ANK1: variants seen among roughly 807,000 people sequenced by gnomAD.
ANK1 encodes the protein ankyrin 1, also known as ankyrin-1.
Under a neutral mutation model 210.4 loss-of-function variants are expected in ANK1, and 51 were observed. The observed-to-expected ratio is 0.24, with a 90% confidence interval of 0.19 to 0.31. The LOEUF (loss-of-function observed/expected upper bound fraction) is 0.31, where lower values mean the gene tolerates loss of function less well. Ranked by LOEUF, ANK1 falls within the 10% of genes least tolerant of loss-of-function variation. The pLI is 1.00. For missense variants in ANK1, 2,051 were observed against 2,504.4 expected, an observed-to-expected ratio of 0.82 and a Z score of 3.86; for synonymous variants, 967 against 1,025.9, an observed-to-expected ratio of 0.94 and a Z score of 1.10.
At chr8:41,883,445 T>C (rs1817941596) in intron 1 of ANK1, among the ~76,000 whole-genome samples, 1 of 63,896 alleles carries the variant, frequency 1.6e-5, no homozygotes, top group Non-Finnish European at 3.2e-5. Context: ...ATCTCATGTT[T>C]GTTTGTTTGT....
chr8:41,704,617 G>A lies in ANK1; in HGVS notation c.2098-145C>T. 1 of 758,530 alleles carries A rather than the reference G, an allele frequency of 1.3e-6. No homozygotes were observed. Among genetic ancestry groups the A allele is most frequent in the South Asian group, 1.5e-5 (1 of 68,158 alleles). 47.0% of individuals were successfully genotyped at this position (758,530 alleles called of 1,614,324 possible). A position where few individuals can be genotyped will look rare whatever the true frequency, so the allele number is the denominator to read the frequency against. On this transcript the variant is annotated intron_variant, in intron 18 of 42. Transcript: ENST00000289734. This position sits in a 1 kb window ranked among gnomAD's most constrained non-coding sequence, Gnocchi z 4.1. ...TGACAAGCTGAATGGCTGCTGCTGG[G>A]CAGAGACCACCAGGCTGAGATGCTT... is the stretch of plus-strand genomic sequence containing the variant.
At chr8:41,730,034 T>C (rs2150666658) in intron 3 of ANK1, among the ~76,000 whole-genome samples, 1 of 152,380 alleles carries the variant, frequency 6.6e-6, no homozygotes, top group South Asian at 2.1e-4. Flanking sequence ...TATGTAGTTC[T>C]TTTTACTAAA....
At position 41,655,760 on chromosome 8, in the gene ANK1, G is replaced by T. The variant is rs1805434081; in HGVS notation, c.*37-7C>A. The T allele has an allele frequency of 1.2e-6, 2 of 1,614,006 alleles. No homozygotes were observed. Among genetic ancestry groups the T allele is most frequent in the Non-Finnish European group, 1.7e-6 (2 of 1,179,892 alleles). On this transcript the variant is annotated splice_region_variant and splice_polypyrimidine_tract_variant and intron_variant, in intron 42 of 42. Transcript: ENST00000289734. ...TGGGTGTCGAGGTGTGATCCTGGGA[G>T]ACACAAAGAGAGAAGGAGTCACTTA...
rs146951403 is a variant in ANK1 at position 41,662,656 on chromosome 8, G to A, written c.5479-715C>T. Among the ~76,000 whole-genome samples the A allele has an allele frequency of 4.3e-4, 65 of 152,222 alleles. 1 individual carries two copies. Among genetic ancestry groups the A allele is most frequent in the Admixed American group, 1.4e-3 (22 of 15,280 alleles). On this transcript the variant is annotated intron_variant, in intron 40 of 42. Transcript: ENST00000289734. ...TCAAACCCTTTACTCTGTATCTGCCGTGTGCTCTGAGTGGGAGGTGAAACA... is the reference window on the plus strand; with the variant it reads ...TCAAACCCTTTACTCTGTATCTGCCATGTGCTCTGAGTGGGAGGTGAAACA...
chr8:41,692,532 C>T (rs759552455), intron 31 of ANK1, 116 bp downstream of exon 31: 2 of 1,027,918 alleles, frequency 1.9e-6, no homozygotes, highest in Admixed American at 1.8e-5. Flanking sequence ...AGACAGACAG[C>T]TGTGGAGCCC....
At chr8:41,869,862 C>T (rs1043314307) in intron 1 of ANK1, among the ~76,000 whole-genome samples, 2 of 152,172 alleles carry the variant, frequency 1.3e-5, no homozygotes, top group African/African-American at 4.8e-5. Flanking sequence ...TGTTACACAT[C>T]CAAAAGCTCA....
intron 1 of ANK1, among the ~76,000 whole-genome samples, chr8:41,835,597 C>T (rs1309683428): frequency 3.9e-5 from 6 of 152,182 alleles, no homozygotes; most frequent in South Asian, 4.1e-4. Flanking sequence ...AGGGGAGGAG[C>T]GGGGAGCAGG....
At chr8:41,729,969 T>G (rs975522796) in intron 3 of ANK1, among the ~76,000 whole-genome samples, 2 of 152,262 alleles carry the variant, frequency 1.3e-5, no homozygotes, top group African/African-American at 4.8e-5. Flanking sequence ...CATCTGTCCC[T>G]GCACTACTTA....
intron 35 of ANK1, among the ~76,000 whole-genome samples, chr8:41,686,636 G>T (rs1817738012): frequency 6.6e-6 from 1 of 152,174 alleles, no homozygotes; most frequent in Non-Finnish European, 1.5e-5. Context: ...CACAGAGCCA[G>T]CAAGTCCCTG....
intron 1 of ANK1, among the ~76,000 whole-genome samples, chr8:41,858,576 G>A (rs780753362): frequency 1.3e-5 from 2 of 152,188 alleles, no homozygotes; most frequent in Non-Finnish European, 1.5e-5. Flanking sequence ...CTGCTCGGAC[G>A]TGAGCACAGC....
intron 1 of ANK1, among the ~76,000 whole-genome samples, chr8:41,857,363 C>G (rs554169202): frequency 1.3e-5 from 2 of 151,266 alleles, no homozygotes; most frequent in African/African-American, 2.4e-5. Context: ...TTTGGGAGGC[C>G]GAGGCAGGTG....
At chr8:41,714,127 G>C in intron 16 of ANK1, 29 bp downstream of exon 16, 2 of 1,313,996 alleles carry the variant, frequency 1.5e-6, no homozygotes, top group South Asian at 2.9e-5. Context: ...TGCTCTCCAG[G>C]GGCAGCTGGG....
chr8:41,745,098 AGAG>A (rs1233396867), intron 2 of ANK1, among the ~76,000 whole-genome samples: 3 of 150,614 alleles, frequency 2.0e-5, no homozygotes, highest in Admixed American at 6.6e-5. Context: ...GAAAACAGAC[AGAG>A]ACAGAGAGAC....
intron 1 of ANK1, among the ~76,000 whole-genome samples, chr8:41,808,756 C>G (rs1362892): frequency 6.6e-6 from 1 of 152,108 alleles, no homozygotes; most frequent in East Asian, 1.9e-4. Flanking sequence ...CAGATGCTTC[C>G]TAAATTTTTT....
At position 41,665,075 on chromosome 8, in the gene ANK1, CG is replaced by C. The variant is rs764234380; in HGVS notation, c.5395-1334del. ...CTGGCAGCCAGGGCCCCGGCCACCA[CG>C]GGGGGCCTGCCTCTCATTCTCCACT... On this transcript the variant is annotated intron_variant, in intron 39 of 42. Transcript: ENST00000289734. The C allele has an allele frequency of 1.0e-5, 16 of 1,597,034 alleles. No homozygotes were observed. The South Asian group carries it at 1.0e-4, about 10-fold the overall frequency.
At chr8:41,845,400 GA>G (rs905500056) in intron 1 of ANK1, among the ~76,000 whole-genome samples, 3 of 143,668 alleles carry the variant, frequency 2.1e-5, no homozygotes, top group African/African-American at 5.2e-5. Flanking sequence ...AAAAAAAAAA[GA>G]AAAAAAAAAG....
chr8:41,746,767 T>C (rs1488797514), intron 2 of ANK1, among the ~76,000 whole-genome samples: 2 of 151,500 alleles, frequency 1.3e-5, no homozygotes, highest in African/African-American at 2.4e-5. Flanking sequence ...AAGTGTGAGC[T>C]CGAGTTAATG....
At chr8:41,751,434 G>A (rs1837680626) in intron 2 of ANK1, among the ~76,000 whole-genome samples, 1 of 152,192 alleles carries the variant, frequency 6.6e-6, no homozygotes. Context: ...AGCCTTAAGA[G>A]AGGTACTGAC....
At chr8:41,799,304 C>T (rs1282375934), upstream of ANK1, among the ~76,000 whole-genome samples, 1 of 152,176 alleles carries the variant, frequency 6.6e-6, no homozygotes, top group Non-Finnish European at 1.5e-5. Flanking sequence ...CATACTGGGC[C>T]AGGCTCACTC....
Sources: gnomAD v4.1 joint callset for allele counts (sites outside exome capture counted in the v4.1 genomes callset) on GRCh38, gnomAD v4.1.1 for gene constraint, Gnocchi (gnomAD v3.1) non-coding constraint, MANE v1.5 for transcripts, NCBI Gene and HGNC (gene_info 2026-07-23, HGNC 2026-07-21) for gene names.